SHISAL2A: variants seen among roughly 807,000 people sequenced by gnomAD.
SHISAL2A encodes protein shisa-like-2A.
Under a neutral mutation model 11.5 loss-of-function variants are expected in SHISAL2A, and 18 were observed. The observed-to-expected ratio is 1.57, with a 90% CI of 1.08 to 2.33. The LOEUF (loss-of-function observed/expected upper bound fraction) is 2.33. SHISAL2A is among the 30% of genes most tolerant of loss of function. The pLI is 0.00. For synonymous variants in SHISAL2A, 94 were observed against 99.6 expected (o/e 0.94, Z 0.34); for missense variants, 261 against 250.9 (o/e 1.04, Z -0.27).
At chr1:52,651,339 G>A (rs2149886493) in intron 2 of SHISAL2A, among the ~76,000 whole-genome samples, 1 of 152,188 alleles carries the variant, frequency 6.6e-6, no homozygotes, top group African/African-American at 2.4e-5. Context: ...CCAGGTTCAA[G>A]CAATTCTCTG....
At position 52,656,817 on chromosome 1, in the gene SHISAL2A, A is replaced by G. The variant is rs772546895; in HGVS notation, c.350A>G (p.Gln117Arg). ...AGPEEVSPDC[Q>R]GVNTGMAAEV... ...CCTGAGGAGGTTTCTCCTGACTGCC[A>G]AGGTGTGAACACAGGCATGGCGGCA... is the stretch of plus-strand genomic sequence containing the variant. Residue 117 changes from glutamine to arginine, a missense_variant, in exon 3 of 3, where the codon CAA becomes CGA. Gln to Arg is a conservative substitution (Grantham distance 43). Transcript: ENST00000517870. The G allele has an allele frequency of 6.2e-7, 1 of 1,613,270 alleles. No individual in the cohort carries two copies. The highest frequency in any genetic ancestry group is 2.2e-5 in the East Asian group (1 of 44,866).
rs1434576874 is a variant in SHISAL2A, at chr1:52,636,420, A to C, written c.182+2745A>C. Among the ~76,000 whole-genome samples, 3 of 148,556 alleles carry C rather than the reference A, an allele frequency of 2.0e-5. No individual in the cohort carries two copies. The Admixed American group carries it at 2.0e-4, about 10-fold the overall frequency. On this transcript the variant is annotated intron_variant, in intron 1 of 2. Coordinates refer to ENST00000517870, the MANE Select transcript of SHISAL2A (RefSeq NM_001042693.3). The stretch of plus-strand genomic sequence containing the variant: ...ACTTATTATCTATGTGGATTGGAAA[A>C]GTTATTTAACTTCCTAGTATTTTCT...
At chr1:52,646,462 G>A (rs962326551) in intron 2 of SHISAL2A, among the ~76,000 whole-genome samples, 3 of 149,074 alleles carry the variant, frequency 2.0e-5, no homozygotes, top group Non-Finnish European at 4.4e-5. Context: ...ATGATGGGCT[G>A]CAAAGATATT....
downstream of SHISAL2A, among the ~76,000 whole-genome samples, chr1:52,660,085 T>C (rs913298454): frequency 6.6e-6 from 1 of 152,146 alleles, no homozygotes; most frequent in Non-Finnish European, 1.5e-5. Context: ...TTTGCATTTC[T>C]AACAAATTCC....
At position 52,650,561 on chromosome 1, in the gene SHISAL2A, G is replaced by A. The variant is rs1271689498; in HGVS notation, c.323-6229G>A. Among the ~76,000 whole-genome samples the A allele has an allele frequency of 5.3e-5, 8 of 151,786 alleles. No homozygotes were observed. In the East Asian group the frequency reaches 1.5e-3, roughly 29 times the overall value. ...CATAGTAGGCTTTTAACAATTAGTG[G>A]CTGTCATTTTCATTATTATTAGGCG... On this transcript the variant is annotated intron_variant, in intron 2 of 2. Coordinates refer to ENST00000517870, the MANE Select transcript of SHISAL2A (RefSeq NM_001042693.3).
intron 4 of SHISAL2A, among the ~76,000 whole-genome samples, chr1:52,666,098 G>A (rs61780598): frequency 0.011 from 1,623 of 152,256 alleles, 23 homozygotes; most frequent in Middle Eastern, 0.02. Context: ...GGATACTTAC[G>A]AAGAAATGTG....
chr1:52,634,342 C>T (rs138986461), intron 1 of SHISAL2A, among the ~76,000 whole-genome samples: 3 of 152,312 alleles, frequency 2.0e-5, no homozygotes, highest in Admixed American at 1.3e-4. Flanking sequence ...GTCATTCTTT[C>T]GGGCACTCTC....
At chr1:52,650,643 C>CTTTT (rs35001247) in intron 2 of SHISAL2A, among the ~76,000 whole-genome samples, 18 of 108,110 alleles carry the variant, frequency 1.7e-4, no homozygotes, top group Non-Finnish European at 2.5e-4. Context: ...TTTTAAAACC[C>CTTTT]TTTTTTTTTT....
chr1:52,661,829 C>T (rs375822097), downstream of SHISAL2A, among the ~76,000 whole-genome samples: 9 of 152,058 alleles, frequency 5.9e-5, no homozygotes, highest in African/African-American at 2.2e-4. Context: ...GTCAGGAGTT[C>T]CAGACCAGCC....
chr1:52,635,233 G>C (rs534747758), intron 1 of SHISAL2A, among the ~76,000 whole-genome samples: 1 of 152,228 alleles, frequency 6.6e-6, no homozygotes, highest in Admixed American at 6.5e-5. Context: ...CATTTTGCTT[G>C]CTGCCCAAAA....
At chr1:52,663,304 C>T (rs1222097436) in intron 4 of SHISAL2A, among the ~76,000 whole-genome samples, 1 of 152,154 alleles carries the variant, frequency 6.6e-6, no homozygotes, top group Non-Finnish European at 1.5e-5. Flanking sequence ...CAGCCCGTTA[C>T]TGGCAGAATC....
In SHISAL2A at chr1:52,646,644, C is replaced by T. The variant is rs1691507676; in HGVS notation, c.322+3642C>T. ...TTCTGAGGTCATTTGTAAATGTGGG[C>T]ACACACAGAGTAGCAAAAAATTTGA... is the stretch of plus-strand genomic sequence containing the variant. On this transcript the variant is annotated intron_variant, in intron 2 of 2. Transcript: ENST00000517870. Among the ~76,000 whole-genome samples, 3 of 152,128 alleles carry T rather than the reference C, an allele frequency of 2.0e-5. 1 individual carries two copies. In the South Asian group the frequency reaches 6.2e-4, roughly 31 times the overall value.
chr1:52,641,596 T>C (rs1285828063), intron 1 of SHISAL2A, among the ~76,000 whole-genome samples: 1 of 152,050 alleles, frequency 6.6e-6, no homozygotes, highest in Non-Finnish European at 1.5e-5. Flanking sequence ...ATTTGAGACA[T>C]GGAGTTGACA....
At position 52,636,946 on chromosome 1, in the gene SHISAL2A, A is replaced by G. The variant is rs535188262; in HGVS notation, c.182+3271A>G. On this transcript the variant is annotated intron_variant, in intron 1 of 2. Coordinates refer to ENST00000517870, the MANE Select transcript of SHISAL2A (RefSeq NM_001042693.3). ...CTGGGCACTGTGCTGGCCCCTGGGG[A>G]CACAGAGGTGAGTAATTCTCTCAGC... Among the ~76,000 whole-genome samples, 7 of 152,240 alleles carry G rather than the reference A, an allele frequency of 4.6e-5. No homozygotes were observed. In the East Asian group the frequency reaches 1.4e-3, roughly 29 times the overall value.
chr1:52,656,162 G>A (rs1240127073), intron 2 of SHISAL2A, among the ~76,000 whole-genome samples: 1 of 152,152 alleles, frequency 6.6e-6, no homozygotes, highest in Admixed American at 6.5e-5. Flanking sequence ...AACTGGTAAA[G>A]TAAAATTTAA....
At chr1:52,643,210 T>G (rs1290392345) in intron 2 of SHISAL2A, among the ~76,000 whole-genome samples, 1 of 152,232 alleles carries the variant, frequency 6.6e-6, no homozygotes, top group Non-Finnish European at 1.5e-5. Context: ...AATAATTTAA[T>G]GTAGACAACA....
chr1:52,666,165 G>A (rs1475555090), intron 4 of SHISAL2A, among the ~76,000 whole-genome samples: 1 of 152,178 alleles, frequency 6.6e-6, no homozygotes, highest in Non-Finnish European at 1.5e-5. Flanking sequence ...TAAATGCAGT[G>A]TACCGGCTGG....
chr1:52,643,647 G>A (rs1415422883), intron 2 of SHISAL2A, among the ~76,000 whole-genome samples: 1 of 152,174 alleles, frequency 6.6e-6, no homozygotes, highest in Non-Finnish European at 1.5e-5. Flanking sequence ...GAGGTCAGGA[G>A]TTCAAGACCA....
intron 4 of SHISAL2A, among the ~76,000 whole-genome samples, chr1:52,663,909 T>C (rs1691956356): frequency 1.4e-5 from 2 of 139,818 alleles, no homozygotes; most frequent in South Asian, 2.3e-4. Flanking sequence ...TGCTGGATGA[T>C]AAAACCTGCC....
Sources: allele counts gnomAD v4.1 joint callset (sites outside exome capture counted in the v4.1 genomes callset), GRCh38; gene constraint gnomAD v4.1.1; transcripts MANE v1.5; gene names NCBI Gene and HGNC (gene_info 2026-07-23, HGNC 2026-07-21).